FAM210A: variants seen among roughly 807,000 people sequenced by gnomAD.
The protein encoded by FAM210A is mitochondrial inner membrane scaffold 1.
FAM210A carries 13 observed loss-of-function variants against 25.3 expected under a neutral mutation model. That is an observed-to-expected ratio of 0.51 (90% CI 0.33 to 0.82). FAM210A has a LOEUF of 0.82. Ranked by LOEUF, FAM210A falls within the 40% of genes least tolerant of loss-of-function variation. The pLI, the probability that FAM210A is intolerant of heterozygous loss-of-function variation, is 0.02. For missense variants in FAM210A, 319 were observed against 323.2 expected (o/e 0.99, Z 0.10); for synonymous variants, 125 against 118.7 (o/e 1.05, Z -0.35).
intron 2 of FAM210A, among the ~76,000 whole-genome samples, chr18:13,681,301 G>T (rs548215198): frequency 6.6e-6 from 1 of 152,222 alleles, no homozygotes; most frequent in African/African-American, 2.4e-5. Flanking sequence ...GGGAAAAGCT[G>T]AACTATTTTT....
intron 1 of FAM210A, among the ~76,000 whole-genome samples, chr18:13,690,333 C>T (rs187338144): frequency 9.2e-4 from 140 of 152,354 alleles, no homozygotes; most frequent in Admixed American, 3.2e-3. Context: ...GAGGTCAAGG[C>T]ATAGCCGAAC....
At chr18:13,725,617 T>C (rs1601976710) in intron 1 of FAM210A, among the ~76,000 whole-genome samples, 1 of 152,240 alleles carries the variant, frequency 6.6e-6, no homozygotes. Context: ...AGGTGGGGAC[T>C]TGACGCACGA....
chr18:13,716,418 G>C (rs2043862478), intron 1 of FAM210A, among the ~76,000 whole-genome samples: 1 of 152,138 alleles, frequency 6.6e-6, no homozygotes, highest in South Asian at 2.1e-4. Flanking sequence ...TCCAGGGATG[G>C]GCATGTGACT....
chr18:13,677,067 C>G (rs1452769554), intron 2 of FAM210A, among the ~76,000 whole-genome samples: 1 of 124,308 alleles, frequency 8.0e-6, no homozygotes, highest in Admixed American at 8.1e-5. Flanking sequence ...TCCTGTCCCT[C>G]TATTTTTTTT....
intron 1 of FAM210A, among the ~76,000 whole-genome samples, chr18:13,698,795 G>C (rs754894733): frequency 6.6e-6 from 1 of 152,032 alleles, no homozygotes; most frequent in Non-Finnish European, 1.5e-5. Context: ...GATATCCTCC[G>C]GGGCAGCAAG....
Position 13,682,036 on chromosome 18 carries a change from G to C in FAM210A, c.42C>G (p.Arg14=). ...CATTATGTGGTTCCAAGCATGTCCTGCGTGCCAGTCGAGATACAGTCCGTG... is the reference window on the plus strand; with the variant it reads ...CATTATGTGGTTCCAAGCATGTCCTCCGTGCCAGTCGAGATACAGTCCGTG... ...NVPRTVSRLA[R]RTCLEPHNAG... Residue 14 remains arginine (R), a synonymous_variant, in exon 2 of 4, where the codon CGC becomes CGG. Transcript: ENST00000651643. 1 of 1,611,810 alleles carries C rather than the reference G, an allele frequency of 6.2e-7. No homozygotes were observed. The highest frequency in any genetic ancestry group is 8.5e-7 in the Non-Finnish European group (1 of 1,178,660).
Position 13,664,006 on chromosome 18 carries a change from T to C in FAM210A, c.*2474A>G, listed in dbSNP as rs1396783860. On this transcript the variant is annotated 3_prime_UTR_variant, in exon 4 of 4. Transcript: ENST00000651643. ...TTCTCAATTATTTAACTTGGCATAT[T>C]GGTACTGTATTCTGTTAGCCTGCTA... 2.0e-5 allele frequency: 3 copies of C among 152,162 alleles called. No homozygotes were observed. The highest frequency in any genetic ancestry group is 7.2e-5 in the African/African-American group (3 of 41,410). 9.4% of individuals were successfully genotyped at this position (152,162 alleles called of 1,614,324 possible).
chr18:13,690,065 G>C (rs575742079), intron 1 of FAM210A, among the ~76,000 whole-genome samples: 1 of 152,184 alleles, frequency 6.6e-6, no homozygotes, highest in Admixed American at 6.5e-5. Context: ...CCCTAATACT[G>C]CGCTTTTCCA....
chr18:13,688,187 C>T (rs2043612738), intron 1 of FAM210A, among the ~76,000 whole-genome samples: 2 of 152,152 alleles, frequency 1.3e-5, no homozygotes, highest in African/African-American at 2.4e-5. Context: ...TGGCAAAACC[C>T]CACCTTTGAG....
rs2043397878 is a variant in FAM210A at position 13,665,972 on chromosome 18, CTCTAT to C, written c.*503_*507del. Reference sequence around the variant, plus strand: ...AGATATTTTAACTGGTAGGTAACTGCTCTATTCTGTTTTTATAGAAAGACTAAACA... The same window carrying C: ...AGATATTTTAACTGGTAGGTAACTGCTCTGTTTTTATAGAAAGACTAAACA... On this transcript the variant is annotated 3_prime_UTR_variant, in exon 4 of 4. Transcript: ENST00000651643. 1 of 154,316 alleles carries C rather than the reference CTCTAT, an allele frequency of 6.5e-6. No homozygotes were observed. Among genetic ancestry groups the C allele is most frequent in the African/African-American group, 2.4e-5 (1 of 41,398 alleles). The allele number at this position is 154,316 out of a possible 1,614,324, so 9.6% of individuals were successfully genotyped here. A position where few individuals can be genotyped will look rare whatever the true frequency, so the allele number is the denominator to read the frequency against.
intron 1 of FAM210A, 88 bp from the exon 2 acceptor site, chr18:13,682,193 G>T: frequency 1.1e-6 from 1 of 901,992 alleles, no homozygotes; most frequent in Non-Finnish European, 1.7e-6. Context: ...TTAACCATTA[G>T]GAAGTAAAAA....
At chr18:13,718,923 T>C (rs1744672586) in intron 1 of FAM210A, among the ~76,000 whole-genome samples, 1 of 152,190 alleles carries the variant, frequency 6.6e-6, no homozygotes, top group Non-Finnish European at 1.5e-5. Flanking sequence ...TTTCAGAAAA[T>C]GTCATTTGAT....
chr18:13,713,596 G>A (rs564211165), intron 1 of FAM210A, among the ~76,000 whole-genome samples: 4 of 152,146 alleles, frequency 2.6e-5, no homozygotes, highest in South Asian at 2.1e-4. Context: ...ACCATCAAAC[G>A]ATGTCTGAGG....
At chr18:13,699,823 C>T (rs2043724273) in intron 1 of FAM210A, among the ~76,000 whole-genome samples, 2 of 152,034 alleles carry the variant, frequency 1.3e-5, no homozygotes, top group Non-Finnish European at 2.9e-5. Flanking sequence ...GTTCTAGCTC[C>T]CTTCTTCATC....
chr18:13,725,278 A>C (rs976073469), intron 1 of FAM210A, among the ~76,000 whole-genome samples: 1 of 152,194 alleles, frequency 6.6e-6, no homozygotes, highest in Non-Finnish European at 1.5e-5. Flanking sequence ...ATTAATTCTC[A>C]ACTTACCTCA....
At chr18:13,666,978 G>A (rs895247952) in intron 3 of FAM210A, among the ~76,000 whole-genome samples, 4 of 152,192 alleles carry the variant, frequency 2.6e-5, no homozygotes, top group African/African-American at 7.2e-5. Context: ...CTAATCGCAT[G>A]CTAGTAAACT....
chr18:13,722,929 C>T (rs1422876372), intron 1 of FAM210A, among the ~76,000 whole-genome samples: 4 of 151,852 alleles, frequency 2.6e-5, no homozygotes, highest in Admixed American at 6.6e-5. Flanking sequence ...CTGCAACCTC[C>T]GCCTCCTGGG....
At chr18:13,721,449 T>C (rs1311143859) in intron 1 of FAM210A, among the ~76,000 whole-genome samples, 1 of 152,144 alleles carries the variant, frequency 6.6e-6, no homozygotes, top group Non-Finnish European at 1.5e-5. Flanking sequence ...AACAGGAGGG[T>C]TGAATGCGAA....
chr18:13,720,294 G>GCAGAGCAGTTTGCACAGCAGCCTGTA (rs1568490689), intron 1 of FAM210A, among the ~76,000 whole-genome samples: 1 of 152,054 alleles, frequency 6.6e-6, no homozygotes. Context: ...TGGCCTGAGT[G>GCAGAGCAGTTTGCACAGCAGCCTGTA]GCAGAGCAGT....
Sources: allele counts gnomAD v4.1 joint callset (sites outside exome capture counted in the v4.1 genomes callset), GRCh38; gene constraint gnomAD v4.1.1; transcripts MANE v1.5; gene names NCBI Gene and HGNC (gene_info 2026-07-23, HGNC 2026-07-21).